Variants in IFT140 observed in about 807,000 individuals in gnomAD.
IFT140 encodes intraflagellar transport 140, also known as intraflagellar transport protein 140 homolog.
A neutral mutation model predicts 164.6 loss-of-function variants in IFT140; 133 were observed. That is an observed-to-expected ratio of 0.81 (90% CI 0.70 to 0.93). The LOEUF (loss-of-function observed/expected upper bound fraction) is 0.93. Ranked by LOEUF, IFT140 falls within the 40% of genes least tolerant of loss-of-function variation. The probability of loss-of-function intolerance (pLI) is 0.00; values close to 1 mark genes in which losing one functional copy is unlikely to be tolerated. For synonymous variants in IFT140, 860 were observed against 817.3 expected (o/e 1.05, Z -0.89); for missense variants, 2,045 against 1,972.3 (o/e 1.04, Z -0.70).
intron 18 of IFT140, among the ~76,000 whole-genome samples, chr16:1,558,342 G>A (rs1381586689): frequency 2.6e-5 from 4 of 152,232 alleles, no homozygotes; most frequent in African/African-American, 9.7e-5. Flanking sequence ...TCTGGCTTCA[G>A]ATAATGGGTA....
intron 19 of IFT140, among the ~76,000 whole-genome samples, chr16:1,529,759 TA>T (rs1157942310): frequency 6.6e-6 from 1 of 152,246 alleles, no homozygotes; most frequent in Non-Finnish European, 1.5e-5. Context: ...CCCATGCGTG[TA>T]AAACTAGTTT....
chr16:1,525,749 C>G, intron 21 of IFT140, 138 bp downstream of exon 21: 2 of 914,854 alleles, frequency 2.2e-6, no homozygotes, highest in Non-Finnish European at 3.2e-6. Context: ...AGCTTCCTGC[C>G]GAGAAGGCTG....
intron 14 of IFT140, among the ~76,000 whole-genome samples, 178 bp downstream of exon 14, chr16:1,571,229 A>G (rs1038956910): frequency 2.6e-5 from 4 of 152,192 alleles, no homozygotes; most frequent in African/African-American, 9.7e-5. Context: ...CGGCTCCACC[A>G]CCAGGCAAAG....
chr16:1,546,710 C>T (rs572889249), intron 19 of IFT140, among the ~76,000 whole-genome samples: 13 of 152,336 alleles, frequency 8.5e-5, no homozygotes, highest in African/African-American at 2.9e-4. Context: ...AGGGCCCTCC[C>T]GCCCGCAGCT....
intron 3 of IFT140, 32 bp downstream of exon 3, chr16:1,607,088 C>T: frequency 3.1e-6 from 5 of 1,607,714 alleles, no homozygotes; most frequent in Non-Finnish European, 4.3e-6. Flanking sequence ...CAGAAGCTAC[C>T]ACAGTCAGGC....
At position 1,523,968 on chromosome 16, in the gene IFT140, G is replaced by A. The variant is rs1445873223; in HGVS notation, c.3142-12C>T. The A allele has an allele frequency of 3.7e-6, 6 of 1,609,606 alleles. No individual in the cohort carries two copies. Among genetic ancestry groups the A allele is most frequent in the Non-Finnish European group, 5.1e-6 (6 of 1,179,570 alleles). ...TCCAGGCCGTTCTCCTGCAGGGAGGGAGGCAGGGCCCTGAAGCGGCTCCCA... is the reference window on the plus strand; with the variant it reads ...TCCAGGCCGTTCTCCTGCAGGGAGGAAGGCAGGGCCCTGAAGCGGCTCCCA... On this transcript the variant is annotated splice_polypyrimidine_tract_variant and intron_variant, in intron 24 of 30. Transcript: ENST00000426508.
intron 30 of IFT140, among the ~76,000 whole-genome samples, chr16:1,517,818 T>G (rs956454541): frequency 7.2e-5 from 11 of 152,176 alleles, no homozygotes; most frequent in African/African-American, 2.7e-4. Flanking sequence ...AGCGTGAGAC[T>G]GTTACTTTTT....
In IFT140 at chr16:1,592,548, C is replaced by T. The variant is rs145718272; in HGVS notation, c.410G>A (p.Arg137Gln). Residue 137 changes from arginine to glutamine, a missense_variant, in exon 5 of 31, where the codon CGA becomes CAA. Transcript: ENST00000426508. ...TTTCAGCAGAGGCGTCCCTTGCACTCGGCCCCTTTGGTCCAACCTCCACAA... is the reference window on the plus strand; with the variant it reads ...TTTCAGCAGAGGCGTCCCTTGCACTTGGCCCCTTTGGTCCAACCTCCACAA... ...LLLWRLDQRG[R>Q]VQGTPLLKHE... 267 of 1,614,112 alleles carry T rather than the reference C, an allele frequency of 1.7e-4. No individual in the cohort carries two copies. The highest frequency in any genetic ancestry group is 1.3e-3 in the Middle Eastern group (8 of 6,084).
In IFT140 at chr16:1,533,342, G is replaced by A. The variant is rs1254286593; in HGVS notation, c.2400-6546C>T. The A allele has an allele frequency of 6.6e-6, 1 of 151,958 alleles. No homozygotes were observed. Among genetic ancestry groups the A allele is most frequent in the African/African-American group, 2.4e-5 (1 of 41,274 alleles). 9.4% of individuals were successfully genotyped at this position (151,958 alleles called of 1,614,324 possible). A position where few individuals can be genotyped will look rare whatever the true frequency, so the allele number is the denominator to read the frequency against. ...TCCTGGGGGTACCTATGGTCCTGGGGGCAACTGGATGGCTGGGGGGTGTGA... is the reference window on the plus strand; with the variant it reads ...TCCTGGGGGTACCTATGGTCCTGGGAGCAACTGGATGGCTGGGGGGTGTGA... On this transcript the variant is annotated intron_variant, in intron 19 of 30. Coordinates refer to ENST00000426508, the MANE Select transcript of IFT140 (RefSeq NM_014714.4). The surrounding 1 kb of genome is among the most constrained non-coding windows in gnomAD (Gnocchi z 4.7).
rs1256356999 is a variant in IFT140 at position 1,525,243 on chromosome 16, T to G, written c.2852A>C (p.Lys951Thr). 6.2e-7 allele frequency: 1 copy of G among 1,611,992 alleles called. No homozygotes were observed. Among genetic ancestry groups the G allele is most frequent in the South Asian group, 1.1e-5 (1 of 91,074 alleles). The change falls in exon 22 of 31, where the codon AAA (lysine) becomes ACA (threonine). Residue 951 changes from lysine to threonine, a missense_variant. By Grantham distance (78) the Lys-to-Thr change is moderately conservative. Coordinates refer to ENST00000426508, the MANE Select transcript of IFT140 (RefSeq NM_014714.4). ...TGGGGACACTCACTTATCCTTCATTTTATTCACGTAGAGCTCCAGGGACGG... is the reference window on the plus strand; with the variant it reads ...TGGGGACACTCACTTATCCTTCATTGTATTCACGTAGAGCTCCAGGGACGG... ...DLPSLELYVNKMKDKTLWRWW... is the reference protein window; with the variant it reads ...DLPSLELYVNTMKDKTLWRWW...
chr16:1,527,591 A>G (rs1458372514), intron 19 of IFT140, among the ~76,000 whole-genome samples: 1 of 152,136 alleles, frequency 6.6e-6, no homozygotes, highest in Non-Finnish European at 1.5e-5. Flanking sequence ...TTGTTGTGTA[A>G]GACAGGGTCT....
intron 19 of IFT140, among the ~76,000 whole-genome samples, chr16:1,538,369 C>A (rs1026451301): frequency 6.6e-6 from 1 of 152,158 alleles, no homozygotes; most frequent in South Asian, 2.1e-4. Context: ...GTCAGGGGTG[C>A]GTCTGCTTAT....
intron 19 of IFT140, chr16:1,552,934 TA>T (rs1157971054): frequency 1.0e-6 from 1 of 983,062 alleles, no homozygotes; most frequent in African/African-American, 1.8e-5. Flanking sequence ...ATTATAGGCG[TA>T]AACCACTGTG....
intron 15 of IFT140, among the ~76,000 whole-genome samples, chr16:1,566,555 G>T (rs1020806860): frequency 1.7e-4 from 26 of 152,106 alleles, no homozygotes; most frequent in African/African-American, 6.3e-4. Context: ...TCCGCCTCCC[G>T]GGCTCAGGTG....
At chr16:1,583,807 C>T (rs984232195) in intron 11 of IFT140, among the ~76,000 whole-genome samples, 9 of 152,000 alleles carry the variant, frequency 5.9e-5, no homozygotes, top group African/African-American at 9.7e-5. Flanking sequence ...TGCAGTGGCA[C>T]GATCTCAGCT....
At position 1,526,772 on chromosome 16, in the gene IFT140, C is replaced by T. The variant is rs375979698; in HGVS notation, c.2424G>A (p.Ala808=). 3.7e-5 allele frequency: 60 copies of T among 1,610,274 alleles called. No homozygotes were observed. Among genetic ancestry groups the T allele is most frequent in the Middle Eastern group, 3.3e-4 (2 of 6,018 alleles). The change falls in exon 20 of 31, where the codon GCG becomes GCA. Residue 808 remains alanine (A), a synonymous_variant. Transcript: ENST00000426508. The part of the protein sequence containing the change: ...IKSEAVWENM[A]RMCVKTQRLD... ...GCCGCTGGGTCTTCACGCACATGCG[C>T]GCCATGTTCTCCCAGACGGCCTCAC...
rs531339641 is a variant in IFT140 at position 1,603,493 on chromosome 16, T to C, written c.148-902A>G. ...ATATGTGCTGCGTTTCCTCTTTTTT[T>C]TTTTCTGAGATGGATTCTCACTCTG... On this transcript the variant is annotated intron_variant, in intron 3 of 30. Coordinates refer to ENST00000426508, the MANE Select transcript of IFT140 (RefSeq NM_014714.4). Among the ~76,000 whole-genome samples, 139 of 152,164 alleles carry C rather than the reference T, an allele frequency of 9.1e-4. 2 individuals are homozygous for C. In the Middle Eastern group the frequency reaches 0.014, roughly 15 times the overall value.
rs755209916 is a variant in IFT140, at chr16:1,523,745, C to T, written c.3271-45G>A. On this transcript the variant is annotated intron_variant, in intron 25 of 30. Coordinates refer to ENST00000426508, the MANE Select transcript of IFT140 (RefSeq NM_014714.4). ...TGAGCAGCTGCCCGAGGCCTGGGGG[C>T]CCGAGCACGGAGGCCTCGCACAGGC... 11 of 1,605,946 alleles carry T rather than the reference C, an allele frequency of 6.8e-6. No homozygotes were observed. In the East Asian group the frequency reaches 2.0e-4, roughly 29 times the overall value.
At chr16:1,520,535 G>T (rs1195265476) in intron 27 of IFT140, 67 bp downstream of exon 27, 8 of 1,469,408 alleles carry the variant, frequency 5.4e-6, no homozygotes, top group Non-Finnish European at 7.4e-6. Flanking sequence ...AAATGGAGAT[G>T]CGTGCAGGGG....
Sources: allele counts gnomAD v4.1 joint callset (sites outside exome capture counted in the v4.1 genomes callset), GRCh38; gene constraint gnomAD v4.1.1; non-coding constraint Gnocchi (gnomAD v3.1); transcripts MANE v1.5; gene names NCBI Gene and HGNC (gene_info 2026-07-23, HGNC 2026-07-21).